TASP1: variants seen among roughly 807,000 people sequenced by gnomAD.
TASP1 encodes the protein threonine aspartase 1.
A neutral mutation model predicts 56.6 loss-of-function variants in TASP1; 16 were observed. The observed-to-expected ratio is 0.28, with a 90% CI of 0.19 to 0.43. The LOEUF (loss-of-function observed/expected upper bound fraction) is 0.43. Ranked by LOEUF, TASP1 falls within the 20% of genes least tolerant of loss-of-function variation. The pLI, the probability that TASP1 is intolerant of heterozygous loss-of-function variation, is 1.00. For synonymous variants in TASP1, 179 were observed against 184.2 expected, an observed-to-expected ratio of 0.97 and a Z score of 0.23; for missense variants, 393 against 511.6, an observed-to-expected ratio of 0.77 and a Z score of 2.24.
the TASP1 span, among the ~76,000 whole-genome samples, chr20:13,312,378 C>T: frequency 6.6e-6 from 1 of 152,160 alleles, no homozygotes; most frequent in African/African-American, 2.4e-5. Flanking sequence ...TACTCACTCA[C>T]TCACAGGTAA....
the TASP1 span, among the ~76,000 whole-genome samples, chr20:13,281,975 C>A: frequency 1.3e-5 from 2 of 152,152 alleles, no homozygotes; most frequent in African/African-American, 4.8e-5. Context: ...ACTAGCATCA[C>A]GTGGAAATGC....
At chr20:13,581,028 T>G (rs1332978078) in intron 5 of TASP1, 47 bp from the exon 6 acceptor site, 2 of 1,559,988 alleles carry the variant, frequency 1.3e-6, no homozygotes. Context: ...CAGAAATGTC[T>G]TCTAGTTTCC....
intron 5 of TASP1, 69 bp downstream of exon 5, chr20:13,587,181 A>G: frequency 6.6e-7 from 1 of 1,511,342 alleles, no homozygotes. Flanking sequence ...GACTGTAATC[A>G]TCTTTAGAAG....
the TASP1 span, among the ~76,000 whole-genome samples, chr20:13,134,702 G>A: frequency 3.3e-5 from 5 of 152,074 alleles, no homozygotes; most frequent in African/African-American, 1.2e-4. Flanking sequence ...TGTGCAGTGG[G>A]AGAAGTAAAG....
the TASP1 span, among the ~76,000 whole-genome samples, chr20:13,172,175 T>C: frequency 6.6e-6 from 1 of 151,986 alleles, no homozygotes; most frequent in African/African-American, 2.4e-5. Context: ...AAATGGAAGA[T>C]GAAAATGGAC....
At chr20:13,523,927 T>A (rs922281798) in intron 10 of TASP1, among the ~76,000 whole-genome samples, 5 of 152,066 alleles carry the variant, frequency 3.3e-5, no homozygotes, top group African/African-American at 1.2e-4. Flanking sequence ...AGTGGGAGGA[T>A]CACTGGAGCC....
chr20:13,193,595 T>A, the TASP1 span, among the ~76,000 whole-genome samples: 2 of 152,228 alleles, frequency 1.3e-5, no homozygotes, highest in Non-Finnish European at 2.9e-5. Flanking sequence ...AAATACTGTA[T>A]AAACACTGGT....
the TASP1 span, among the ~76,000 whole-genome samples, chr20:13,227,991 G>A: frequency 7.4e-6 from 1 of 135,022 alleles, no homozygotes; most frequent in Admixed American, 7.7e-5. Flanking sequence ...TTGAGATGGA[G>A]TCTAGCTCTG....
intron 7 of TASP1, among the ~76,000 whole-genome samples, chr20:13,565,867 G>A (rs1441635912): frequency 6.6e-6 from 1 of 152,154 alleles, no homozygotes; most frequent in African/African-American, 2.4e-5. Context: ...AAAATGGACA[G>A]CAGGGACTCA....
At chr20:13,456,413 C>T (rs1322801464) in intron 11 of TASP1, among the ~76,000 whole-genome samples, 2 of 152,064 alleles carry the variant, frequency 1.3e-5, no homozygotes, top group African/African-American at 2.4e-5. Flanking sequence ...AATCATTAGC[C>T]CTCCACCATA....
intron 13 of TASP1, among the ~76,000 whole-genome samples, chr20:13,409,043 C>T (rs1198501793): frequency 6.6e-6 from 1 of 151,962 alleles, no homozygotes. Context: ...GATAGCTTAA[C>T]TCATTTATTT....
the TASP1 span, among the ~76,000 whole-genome samples, chr20:13,354,835 T>C: frequency 6.6e-6 from 1 of 151,888 alleles, no homozygotes; most frequent in East Asian, 1.9e-4. Context: ...AGAAATTATA[T>C]GTTTGAGTTT....
the TASP1 span, among the ~76,000 whole-genome samples, chr20:13,269,908 AT>A: frequency 6.7e-6 from 1 of 149,656 alleles, no homozygotes; most frequent in Non-Finnish European, 1.5e-5. Context: ...GCATTTGATG[AT>A]TGGATGGATG....
intron 13 of TASP1, chr20:13,393,362 C>T (rs2041368184): frequency 2.7e-6 from 2 of 740,962 alleles, no homozygotes; most frequent in African/African-American, 1.7e-5. Context: ...AGCTCAATGG[C>T]ATGGCCTTCC....
chr20:13,487,831 G>T (rs575797560), intron 10 of TASP1, among the ~76,000 whole-genome samples: 1 of 152,250 alleles, frequency 6.6e-6, no homozygotes, highest in Admixed American at 6.5e-5. Context: ...AAATATTTTA[G>T]GCTTTGAATG....
At chr20:13,380,084 A>G in the TASP1 span, among the ~76,000 whole-genome samples, 29 of 152,212 alleles carry the variant, frequency 1.9e-4, no homozygotes, top group Admixed American at 2.6e-4. Flanking sequence ...CAATTCATCA[A>G]ACTCATTCTC....
chr20:13,324,903 C>A, the TASP1 span, among the ~76,000 whole-genome samples: 1 of 152,182 alleles, frequency 6.6e-6, no homozygotes, highest in Non-Finnish European at 1.5e-5. Flanking sequence ...CTTGCTCATG[C>A]AGCTGAAGAA....
At chr20:13,550,353 G>A (rs536541182) in intron 8 of TASP1, among the ~76,000 whole-genome samples, 1 of 152,088 alleles carries the variant, frequency 6.6e-6, no homozygotes, top group African/African-American at 2.4e-5. Context: ...GGATGGGGGT[G>A]ATCCAATAAG....
At chr20:13,125,793 C>G in the TASP1 span, among the ~76,000 whole-genome samples, 5 of 152,196 alleles carry the variant, frequency 3.3e-5, no homozygotes, top group African/African-American at 1.2e-4. Context: ...AGACCCAGAA[C>G]CACCACACCA....
Sources: allele counts gnomAD v4.1 joint callset (sites outside exome capture counted in the v4.1 genomes callset), GRCh38; gene constraint gnomAD v4.1.1; transcripts MANE v1.5; gene names NCBI Gene and HGNC (gene_info 2026-07-23, HGNC 2026-07-21).